Variants in CAPN13 observed in about 807,000 individuals in gnomAD.
The protein encoded by CAPN13 is calpain 13.
Under a neutral mutation model 98.4 loss-of-function variants are expected in CAPN13, and 90 were observed. That is an observed-to-expected ratio of 0.92 (90% CI 0.77 to 1.09). The LOEUF is 1.09. Among genes scored for constraint, CAPN13 ranks in the 50% least tolerant of loss-of-function variants. The pLI, the probability that CAPN13 is intolerant of heterozygous loss-of-function variation, is 0.00. For synonymous variants in CAPN13, 330 were observed against 305.5 expected, an observed-to-expected ratio of 1.08 and a Z score of -0.84; for missense variants, 887 against 841.3, an observed-to-expected ratio of 1.05 and a Z score of -0.67.
chr2:30,778,530 C>A (rs943143758), intron 2 of CAPN13, among the ~76,000 whole-genome samples: 11 of 152,178 alleles, frequency 7.2e-5, no homozygotes, highest in African/African-American at 2.7e-4. Flanking sequence ...TATATCATTT[C>A]TTTTCACATT....
At chr2:30,785,268 T>G (rs10495779) in intron 2 of CAPN13, among the ~76,000 whole-genome samples, 8,054 of 152,270 alleles carry the variant, frequency 0.053, 943 homozygotes, top group East Asian at 0.43. Flanking sequence ...TCATGTCACC[T>G]TGGCATATCA....
rs143462237 is a variant in CAPN13, at chr2:30,744,581, T to A, written c.1249-1002A>T. 1.7e-3 allele frequency among the ~76,000 whole-genome samples: 266 copies of A among 152,304 alleles called. 2 individuals carry two copies. Among genetic ancestry groups the A allele is most frequent in the African/African-American group, 6.0e-3 (250 of 41,558 alleles). ...GGCATGCAGAGGTGTGTGGGCAGCA[T>A]GCCTCCTATAATTAGAAGGCAACAG... On this transcript the variant is annotated intron_variant, in intron 12 of 22. Coordinates refer to ENST00000295055, the MANE Select transcript of CAPN13 (RefSeq NM_144575.3).
intron 5 of CAPN13, among the ~76,000 whole-genome samples, chr2:30,768,124 A>G (rs1412304942): frequency 6.6e-6 from 1 of 152,132 alleles, no homozygotes; most frequent in Non-Finnish European, 1.5e-5. Context: ...TGCCTGCCTC[A>G]CACACAGCCC....
chr2:30,738,558 G>A, intron 15 of CAPN13, 101 bp from the exon 16 acceptor site: 1 of 1,260,430 alleles, frequency 7.9e-7, no homozygotes, highest in South Asian at 1.3e-5. Flanking sequence ...CAAGCACTTA[G>A]TCCCCACAAT....
intron 4 of CAPN13, among the ~76,000 whole-genome samples, chr2:30,772,255 A>G (rs1235282326): frequency 6.6e-6 from 1 of 152,200 alleles, no homozygotes; most frequent in Non-Finnish European, 1.5e-5. Flanking sequence ...ACCTTCCAAG[A>G]ACAATGCTGG....
rs988779405 is a variant in CAPN13, at chr2:30,743,490, G to A, written c.1338C>T (p.Thr446=). The change falls in exon 13 of 23, where the codon ACC becomes ACT. Residue 446 remains threonine, a synonymous_variant. Coordinates refer to ENST00000295055, the MANE Select transcript of CAPN13 (RefSeq NM_144575.3). ...SSNNKFRRNF[T]MTYHLSPGNY... is the part of the protein sequence containing the mutation. ...TCCCAGGGCTCAGATGGTAAGTCAT[G>A]GTGAAGTTGCGGCGGAATTTATTAT... 1.2e-5 allele frequency: 20 copies of A among 1,613,832 alleles called. No homozygotes were observed. The African/African-American group carries it at 2.4e-4, about 19-fold the overall frequency.
intron 9 of CAPN13, among the ~76,000 whole-genome samples, chr2:30,753,925 C>T (rs59399836): frequency 2.0e-5 from 3 of 151,992 alleles, no homozygotes; most frequent in Admixed American, 2.0e-4. Context: ...TGACGTCATG[C>T]TAGAGGAAAC....
intron 8 of CAPN13, among the ~76,000 whole-genome samples, chr2:30,756,278 C>G (rs1248239262): frequency 6.6e-6 from 1 of 152,090 alleles, no homozygotes; most frequent in Non-Finnish European, 1.5e-5. Context: ...CTTGTTGGCC[C>G]GGAACAGACT....
At chr2:30,769,348 G>T (rs1384942487) in intron 5 of CAPN13, among the ~76,000 whole-genome samples, 1 of 152,134 alleles carries the variant, frequency 6.6e-6, no homozygotes, top group African/African-American at 2.4e-5. Context: ...GGAGGGTCCT[G>T]GATCCCCACA....
At chr2:30,771,625 G>A (rs1050302978) in intron 4 of CAPN13, among the ~76,000 whole-genome samples, 3 of 152,188 alleles carry the variant, frequency 2.0e-5, no homozygotes, top group African/African-American at 7.2e-5. Context: ...AAATGCATCC[G>A]AAGCACCGAG....
At chr2:30,766,319 G>A (rs571002044) in intron 5 of CAPN13, among the ~76,000 whole-genome samples, 44 of 152,262 alleles carry the variant, frequency 2.9e-4, no homozygotes, top group African/African-American at 1.0e-3. Flanking sequence ...CAGTCACCTC[G>A]GAGTCACCCA....
chr2:30,731,870 C>T (rs373946006), intron 20 of CAPN13, among the ~76,000 whole-genome samples: 17 of 152,236 alleles, frequency 1.1e-4, no homozygotes, highest in African/African-American at 3.6e-4. Flanking sequence ...AGCAGTGCCT[C>T]GTGGCATGGC....
intron 11 of CAPN13, among the ~76,000 whole-genome samples, chr2:30,749,379 C>T (rs538650222): frequency 2.6e-5 from 4 of 152,332 alleles, no homozygotes; most frequent in Non-Finnish European, 4.4e-5. Flanking sequence ...TAGAGAGACA[C>T]AATCTGTATT....
rs1023885317 is a variant in CAPN13 at position 30,807,413 on chromosome 2, C to T, written c.-144G>A. 9.8e-5 allele frequency: 15 copies of T among 152,402 alleles called. No homozygotes were observed. Among genetic ancestry groups the T allele is most frequent in the Admixed American group, 8.5e-4 (13 of 15,254 alleles). The allele number at this position is 152,402 out of a possible 1,614,324, so 9.4% of individuals were successfully genotyped here. On this transcript the variant is annotated 5_prime_UTR_variant, in exon 1 of 23. Transcript: ENST00000295055. ...GGCAGAGGAGGAGAGCATGGCCGGCCGTCTTGGAGAAAGAGCAGTGCTGGT... is the reference window on the plus strand; with the variant it reads ...GGCAGAGGAGGAGAGCATGGCCGGCTGTCTTGGAGAAAGAGCAGTGCTGGT...
chr2:30,741,598 G>C, intron 15 of CAPN13: 1 of 1,115,940 alleles, frequency 9.0e-7, no homozygotes, highest in Non-Finnish European at 1.1e-6. Flanking sequence ...AAGGTTTCAC[G>C]GGGTACTGCC....
At chr2:30,804,507 T>C (rs555533570) in intron 1 of CAPN13, among the ~76,000 whole-genome samples, 3 of 152,214 alleles carry the variant, frequency 2.0e-5, no homozygotes, top group Non-Finnish European at 2.9e-5. Flanking sequence ...TTTAAGTAAA[T>C]TGGAATCATA....
chr2:30,774,409 G>A (rs1185413079), intron 4 of CAPN13, among the ~76,000 whole-genome samples: 2 of 151,918 alleles, frequency 1.3e-5, no homozygotes, highest in East Asian at 1.9e-4. Context: ...ACAACAGATC[G>A]ACTGGATAAA....
At chr2:30,749,796 A>G (rs898602092) in intron 11 of CAPN13, among the ~76,000 whole-genome samples, 3 of 152,156 alleles carry the variant, frequency 2.0e-5, no homozygotes, top group African/African-American at 7.2e-5. Flanking sequence ...AGTGCAAAGA[A>G]GCTGTGCGGT....
At chr2:30,752,012 G>A (rs1035119432) in intron 10 of CAPN13, among the ~76,000 whole-genome samples, 12 of 152,232 alleles carry the variant, frequency 7.9e-5, no homozygotes, top group African/African-American at 2.2e-4. Flanking sequence ...ATTGTATCCA[G>A]GGGAGAGGGC....
Sources: gnomAD v4.1 joint callset for allele counts (sites outside exome capture counted in the v4.1 genomes callset) on GRCh38, gnomAD v4.1.1 for gene constraint, MANE v1.5 for transcripts, NCBI Gene and HGNC (gene_info 2026-07-23, HGNC 2026-07-21) for gene names.